Variants in TCOF1 observed in about 807,000 individuals in gnomAD.
The protein encoded by TCOF1 is treacle protein.
Under a neutral mutation model 149.0 loss-of-function variants are expected in TCOF1, and 33 were observed. The observed-to-expected ratio is 0.22, with a 90% CI of 0.17 to 0.30. The LOEUF is 0.30. Ranked by LOEUF, TCOF1 falls within the 10% of genes least tolerant of loss-of-function variation. The pLI, the probability that TCOF1 is intolerant of heterozygous loss-of-function variation, is 1.00. For synonymous variants in TCOF1, 789 were observed against 738.8 expected, an observed-to-expected ratio of 1.07 and a Z score of -1.10; for missense variants, 1,728 against 1,840.7, an observed-to-expected ratio of 0.94 and a Z score of 1.12.
At chr5:150,371,090 G>A (rs1379894486) in intron 6 of TCOF1, among the ~76,000 whole-genome samples, 1 of 152,138 alleles carries the variant, frequency 6.6e-6, no homozygotes, top group Non-Finnish European at 1.5e-5. Flanking sequence ...AAGAGGCTGG[G>A]GGCTGGGAGA....
chr5:150,392,396 A>G (rs1767630343), intron 21 of TCOF1: 3 of 621,748 alleles, frequency 4.8e-6, no homozygotes, highest in Non-Finnish European at 8.4e-6. Flanking sequence ...GCTTTTTGGT[A>G]TCAGACTCCC....
intron 4 of TCOF1, 75 bp from the exon 5 acceptor site, chr5:150,368,641 G>C (rs145450821): frequency 9.0e-6 from 14 of 1,558,720 alleles, no homozygotes; most frequent in Non-Finnish European, 1.2e-5. Context: ...GTAAGATTGG[G>C]TTCAGATGCA....
At chr5:150,384,679 A>G in intron 17 of TCOF1, 6 of 974,528 alleles carry the variant, frequency 6.2e-6, no homozygotes, top group Non-Finnish European at 7.3e-6. Context: ...TCTGGAGTCT[A>G]TTTAAAAAGC....
At chr5:150,373,747 CT>C (rs1763062328) in intron 7 of TCOF1, among the ~76,000 whole-genome samples, 1 of 152,230 alleles carries the variant, frequency 6.6e-6, no homozygotes. Flanking sequence ...TTCCCTGGGC[CT>C]TTGCACACCC....
At chr5:150,370,290 T>C (rs751809202) in intron 6 of TCOF1, among the ~76,000 whole-genome samples, 6 of 152,154 alleles carry the variant, frequency 3.9e-5, no homozygotes, top group Non-Finnish European at 5.9e-5. Flanking sequence ...CTGACGTTGA[T>C]GAGTAGGCGT....
chr5:150,383,674 G>C lies in TCOF1; in HGVS notation c.2859+3942G>C, dbSNP rs531698836. 151 of 1,492,482 alleles carry C rather than the reference G, an allele frequency of 1.0e-4. 1 individual carries two copies. The South Asian group carries it at 1.7e-3, about 17-fold the overall frequency. The allele number at this position is 1,492,482 out of a possible 1,614,324, so 92.5% of individuals were successfully genotyped here. A position where few individuals can be genotyped will look rare whatever the true frequency, so the allele number is the denominator to read the frequency against. ...TTCCCCAAATTCTCATGATTCATAAGAGGCTGAGGAAAGGTCCAAACGCTG... is the reference window on the plus strand; with the variant it reads ...TTCCCCAAATTCTCATGATTCATAACAGGCTGAGGAAAGGTCCAAACGCTG... On this transcript the variant is annotated intron_variant, in intron 17 of 26. Coordinates refer to ENST00000643257, the MANE Select transcript of TCOF1 (RefSeq NM_001371623.1).
rs771213540 is a variant in TCOF1 at position 150,396,807 on chromosome 5, C to T, written c.4310C>T (p.Pro1437Leu). 1.2e-6 allele frequency: 2 copies of T among 1,608,690 alleles called. No individual in the cohort carries two copies. Among genetic ancestry groups the T allele is most frequent in the Non-Finnish European group, 1.7e-6 (2 of 1,178,064 alleles). The part of the protein sequence containing the change: ...GTVEGGDQSN[P>L]KSKKEKKKSD... ...GTTGAAGGTGGAGATCAAAGCAACCCAAAGAGCAAGAAGGAGAAGAAGAAA... is the reference window on the plus strand; with the variant it reads ...GTTGAAGGTGGAGATCAAAGCAACCTAAAGAGCAAGAAGGAGAAGAAGAAA... The change falls in exon 24 of 27, where the codon CCA becomes CTA. Residue 1437 changes from proline to leucine, a missense_variant. Transcript: ENST00000643257.
At chr5:150,384,731 C>T (rs1005838843) in intron 17 of TCOF1, 2 of 985,458 alleles carry the variant, frequency 2.0e-6, no homozygotes, top group Non-Finnish European at 2.4e-6. Context: ...CAGGAGGATT[C>T]GGGGAAGACG....
chr5:150,363,204 C>T (rs750322092), intron 2 of TCOF1, among the ~76,000 whole-genome samples: 3 of 152,126 alleles, frequency 2.0e-5, no homozygotes, highest in African/African-American at 7.2e-5. Context: ...AATCCCTGCT[C>T]AACATTTTTG....
At chr5:150,388,131 C>T (rs2150985494) in intron 18 of TCOF1, 43 bp downstream of exon 18, 2 of 1,611,392 alleles carry the variant, frequency 1.2e-6, no homozygotes, top group East Asian at 4.5e-5. Flanking sequence ...GCTGCCAGCA[C>T]TGCCCCACAT....
chr5:150,387,033 C>T (rs780380836), intron 17 of TCOF1, among the ~76,000 whole-genome samples: 12 of 152,220 alleles, frequency 7.9e-5, no homozygotes, highest in East Asian at 3.8e-4. Flanking sequence ...GCTCGTTTCA[C>T]GCAAACCCTC....
chr5:150,384,249 A>G, intron 17 of TCOF1: 1 of 991,316 alleles, frequency 1.0e-6, no homozygotes, highest in Non-Finnish European at 1.2e-6. Context: ...AACAACCACC[A>G]CCAACATCGG....
intron 3 of TCOF1, among the ~76,000 whole-genome samples, chr5:150,367,072 G>A (rs553251101): frequency 1.1e-4 from 17 of 152,106 alleles, no homozygotes; most frequent in Middle Eastern, 3.4e-3. Flanking sequence ...TTGGGAGGCC[G>A]AGGTGGGCAG....
At chr5:150,391,446 C>A in intron 19 of TCOF1, 98 bp from the exon 20 acceptor site, 1 of 1,091,198 alleles carries the variant, frequency 9.2e-7, no homozygotes, top group South Asian at 1.2e-5. Flanking sequence ...AGTCCCTGCT[C>A]CAGCCCTCAC....
intron 3 of TCOF1, among the ~76,000 whole-genome samples, chr5:150,365,211 C>A (rs1761059176): frequency 6.6e-6 from 1 of 151,340 alleles, no homozygotes; most frequent in South Asian, 2.1e-4. Context: ...TACAGGCATG[C>A]ACCACTACTG....
intron 17 of TCOF1, among the ~76,000 whole-genome samples, chr5:150,386,718 G>A (rs1561522036): frequency 6.6e-6 from 1 of 152,198 alleles, no homozygotes; most frequent in Non-Finnish European, 1.5e-5. Flanking sequence ...GCTCAAACCA[G>A]ATCTGACATT....
chr5:150,375,582 C>CT, intron 11 of TCOF1, 28 bp downstream of exon 11: 1 of 1,613,650 alleles, frequency 6.2e-7, no homozygotes. Context: ...AAGGCTCTTT[C>CT]TTTTTCCCCC....
In TCOF1 at chr5:150,376,240, G is replaced by A. The variant is rs774489337; in HGVS notation, c.2052G>A (p.Gly684=). The change falls in exon 13 of 27, where the codon GGG becomes GGA. Residue 684 remains glycine (G), a synonymous_variant. Coordinates refer to ENST00000643257, the MANE Select transcript of TCOF1 (RefSeq NM_001371623.1). ...SPAGSSPAVA[G]GTQRPAEDSS... ...CAGGCTCATCCCCAGCTGTGGCTGG[G>A]GGCACCCAGAGACCAGCAGAGGATT... 2.5e-6 allele frequency: 4 copies of A among 1,614,100 alleles called. No individual in the cohort carries two copies. The African/African-American group carries it at 5.3e-5, about 22-fold the overall frequency.
In TCOF1 at chr5:150,393,487, A is replaced by G; in HGVS notation, c.3719A>G (p.Asp1240Gly). 1 of 1,614,170 alleles carries G rather than the reference A, an allele frequency of 6.2e-7. No individual in the cohort carries two copies. The highest frequency in any genetic ancestry group is 8.5e-7 in the Non-Finnish European group (1 of 1,180,036). The change falls in exon 23 of 27, where the codon GAT (aspartate) becomes GGT (glycine). Residue 1240 changes from aspartate (D) to glycine (G), a missense_variant. By Grantham distance (94) the Asp-to-Gly change is moderately conservative. This residue lies in a region of TCOF1 where 1,696 missense variants were observed against 1,765.4 expected (regional missense o/e 0.96). Transcript: ENST00000643257. The part of the protein sequence containing the change: ...PSVSSTLAAK[D>G]DPDGKQEAKP... ...GTTTCCTCTACTCTGGCCGCCAAAGATGACCCAGATGGCAAGCAGGAGGCA... is the reference window on the plus strand; with the variant it reads ...GTTTCCTCTACTCTGGCCGCCAAAGGTGACCCAGATGGCAAGCAGGAGGCA...
Sources: gnomAD v4.1 joint callset for allele counts (sites outside exome capture counted in the v4.1 genomes callset) on GRCh38, gnomAD v4.1.1 for gene constraint, gnomAD v4.1.1 regional missense constraint, MANE v1.5 for transcripts, NCBI Gene and HGNC (gene_info 2026-07-23, HGNC 2026-07-21) for gene names.